The following ZNRF2 variants were observed in gnomAD, a reference collection of about 807,000 sequenced individuals.
ZNRF2 encodes the protein zinc and ring finger 2, also known as E3 ubiquitin-protein ligase ZNRF2.
In ZNRF2, 16 loss-of-function variants were observed where a neutral mutation model predicts 20.4. That is an observed-to-expected ratio of 0.79 (90% CI 0.53 to 1.19). The LOEUF (loss-of-function observed/expected upper bound fraction) is 1.19, where lower values mean the gene tolerates loss of function less well. Ranked by LOEUF, ZNRF2 falls within the 50% of genes most tolerant of loss-of-function variation. The pLI, the probability that ZNRF2 is intolerant of heterozygous loss-of-function variation, is 0.00. For synonymous variants in ZNRF2, 178 were observed against 144.9 expected, an observed-to-expected ratio of 1.23 and a Z score of -1.64; for missense variants, 363 against 332.4, an observed-to-expected ratio of 1.09 and a Z score of -0.72.
rs1040064722 is a variant in ZNRF2, at chr7:30,319,591, G to A, written c.470-4051G>A. Among the ~76,000 whole-genome samples, 3 of 152,158 alleles carry A rather than the reference G, an allele frequency of 2.0e-5. No homozygotes were observed. The South Asian group carries it at 6.2e-4, about 32-fold the overall frequency. On this transcript the variant is annotated intron_variant, in intron 1 of 4. Transcript: ENST00000323037. Reference sequence around the variant, plus strand: ...CATGTAAATAAACACAGGGCCATGTGCTGCATTGAAGTATTGTCCAGGTAT... The same window carrying A: ...CATGTAAATAAACACAGGGCCATGTACTGCATTGAAGTATTGTCCAGGTAT...
intron 1 of ZNRF2, among the ~76,000 whole-genome samples, chr7:30,286,756 T>G (rs1157838725): frequency 6.6e-6 from 1 of 152,146 alleles, no homozygotes; most frequent in Non-Finnish European, 1.5e-5. Context: ...TTTATGAAAA[T>G]AAATAGAAGT....
intron 2 of ZNRF2, among the ~76,000 whole-genome samples, chr7:30,354,545 C>T (rs777976663): frequency 2.7e-5 from 4 of 150,092 alleles, no homozygotes; most frequent in Non-Finnish European, 5.9e-5. Context: ...GGTACTCTTA[C>T]AGATAATGTA....
intron 2 of ZNRF2, among the ~76,000 whole-genome samples, chr7:30,331,651 C>G (rs867453987): frequency 4.4e-4 from 67 of 152,136 alleles, no homozygotes; most frequent in African/African-American, 1.5e-3. Context: ...AAGGGAAATG[C>G]TGGAGAACCT....
chr7:30,291,006 TAAC>T (rs1798897106), intron 1 of ZNRF2, among the ~76,000 whole-genome samples: 3 of 152,326 alleles, frequency 2.0e-5, no homozygotes, highest in Non-Finnish European at 4.4e-5. Flanking sequence ...ATAGAACTGT[TAAC>T]AAAACACTTA....
At chr7:30,324,830 A>C (rs1428327766) in intron 2 of ZNRF2, among the ~76,000 whole-genome samples, 9 of 152,216 alleles carry the variant, frequency 5.9e-5, no homozygotes, top group Admixed American at 5.9e-4. Context: ...AAGAGTATAG[A>C]GTAAATGAAG....
At position 30,356,850 on chromosome 7, in the gene ZNRF2, C is replaced by T. The variant is rs192459035; in HGVS notation, c.671+1017C>T. On this transcript the variant is annotated intron_variant, in intron 3 of 4. Transcript: ENST00000323037. The stretch of plus-strand genomic sequence containing the variant: ...CCTCCCGAGTAGCTGGGACTACAGG[C>T]GCCTGCCACCATGCCCGGCTAATTT... Among the ~76,000 whole-genome samples the T allele has an allele frequency of 6.7e-3, 1,014 of 151,908 alleles. 14 individuals are homozygous for T. The highest frequency in any genetic ancestry group is 0.024 in the African/African-American group (975 of 41,442).
At chr7:30,325,759 T>C (rs899602572) in intron 2 of ZNRF2, among the ~76,000 whole-genome samples, 1 of 152,202 alleles carries the variant, frequency 6.6e-6, no homozygotes, top group Non-Finnish European at 1.5e-5. Flanking sequence ...TTTAAGCAGT[T>C]ACTTGGCATA....
At chr7:30,318,131 G>A (rs931061863) in intron 1 of ZNRF2, among the ~76,000 whole-genome samples, 15 of 152,300 alleles carry the variant, frequency 9.8e-5, no homozygotes, top group African/African-American at 3.1e-4. Flanking sequence ...TGGAGTGCCG[G>A]CTTTGGATAG....
intron 2 of ZNRF2, among the ~76,000 whole-genome samples, chr7:30,337,957 A>G (rs1307015888): frequency 1.3e-5 from 2 of 152,132 alleles, no homozygotes; most frequent in Non-Finnish European, 2.9e-5. Flanking sequence ...AAAGATACAT[A>G]TATTCTTCCC....
At chr7:30,354,159 GA>G (rs950159362) in intron 2 of ZNRF2, among the ~76,000 whole-genome samples, 4 of 149,748 alleles carry the variant, frequency 2.7e-5, no homozygotes, top group Admixed American at 1.3e-4. Flanking sequence ...AGGGCCAAGA[GA>G]AAAAAAAATG....
At chr7:30,296,811 A>G (rs895242326) in intron 1 of ZNRF2, among the ~76,000 whole-genome samples, 4 of 152,226 alleles carry the variant, frequency 2.6e-5, no homozygotes, top group African/African-American at 9.6e-5. Flanking sequence ...TGTCTTTATA[A>G]ATGTTGAACT....
In ZNRF2 at chr7:30,285,562, GCGGCGGCCC is replaced by G. The variant is rs1172820621; in HGVS notation, c.210_218del (p.Ala76_Pro78del). 46 of 974,258 alleles carry G rather than the reference GCGGCGGCCC, an allele frequency of 4.7e-5. No homozygotes were observed. The East Asian group carries it at 7.1e-4, about 15-fold the overall frequency. The allele number at this position is 974,258 out of a possible 1,614,324, so 60.4% of individuals were successfully genotyped here. A position where few individuals can be genotyped will look rare whatever the true frequency, so the allele number is the denominator to read the frequency against. ...CGCCTCCGGCGGCGCCGCGGCGGCC[GCGGCGGCCC>G]CGGCAGCCCCGGCGGCCCCGCGCAG... On this transcript the variant is annotated inframe_deletion, in exon 1 of 5. Coordinates refer to ENST00000323037, the MANE Select transcript of ZNRF2 (RefSeq NM_147128.4).
chr7:30,361,807 A>G (rs1023701690), intron 3 of ZNRF2, among the ~76,000 whole-genome samples: 2 of 152,190 alleles, frequency 1.3e-5, no homozygotes, highest in African/African-American at 4.8e-5. Flanking sequence ...GACGATGATC[A>G]TATGCACCCT....
intron 1 of ZNRF2, among the ~76,000 whole-genome samples, chr7:30,295,174 T>C (rs951844727): frequency 1.4e-5 from 2 of 146,806 alleles, no homozygotes; most frequent in Non-Finnish European, 3.0e-5. Flanking sequence ...CTCTCTGTAC[T>C]TCCAACTACA....
intron 4 of ZNRF2, 74 bp downstream of exon 4, chr7:30,362,530 C>G: frequency 1.1e-6 from 1 of 892,232 alleles, no homozygotes; most frequent in African/African-American, 1.7e-5. Context: ...TTTATTTATT[C>G]ATTTACTCAT....
chr7:30,345,422 A>G (rs1184822860), intron 2 of ZNRF2, among the ~76,000 whole-genome samples: 2 of 151,538 alleles, frequency 1.3e-5, no homozygotes, highest in African/African-American at 4.9e-5. Flanking sequence ...TTTAGTATTC[A>G]TGGTAAATAT....
At chr7:30,312,022 AG>A (rs1199027728) in intron 1 of ZNRF2, among the ~76,000 whole-genome samples, 4 of 152,204 alleles carry the variant, frequency 2.6e-5, no homozygotes, top group African/African-American at 9.6e-5. Flanking sequence ...AGTTGCTAAA[AG>A]GTCATTTAAA....
Position 30,355,610 on chromosome 7 carries a change from C to T in ZNRF2, c.566-118C>T, listed in dbSNP as rs781666861. ...CGTGCTGAGTTTTATGTATTTCTGG[C>T]GAAAAGATATGCCAAGTAAGGTGGA... On this transcript the variant is annotated intron_variant, in intron 2 of 4. Coordinates refer to ENST00000323037, the MANE Select transcript of ZNRF2 (RefSeq NM_147128.4). The T allele has an allele frequency of 3.6e-5, 25 of 689,622 alleles. No individual in the cohort carries two copies. The East Asian group carries it at 4.3e-4, about 12-fold the overall frequency. 42.7% of individuals were successfully genotyped at this position (689,622 alleles called of 1,614,324 possible).
intron 2 of ZNRF2, among the ~76,000 whole-genome samples, chr7:30,325,714 T>A (rs941015207): frequency 2.6e-5 from 4 of 152,226 alleles, no homozygotes; most frequent in Non-Finnish European, 5.9e-5. Context: ...AGAGCACTTT[T>A]TGCCATTCAT....
Sources: allele counts gnomAD v4.1 joint callset (sites outside exome capture counted in the v4.1 genomes callset), GRCh38; gene constraint gnomAD v4.1.1; transcripts MANE v1.5; gene names NCBI Gene and HGNC (gene_info 2026-07-23, HGNC 2026-07-21).